The following EEF2K variants were observed in gnomAD, a reference collection of about 807,000 sequenced individuals.
EEF2K encodes the protein alternative protein EEF2K.
EEF2K carries 70 observed loss-of-function variants against 93.8 expected under a neutral mutation model. The ratio of observed to expected loss-of-function variants is 0.75; its 90% confidence interval spans 0.62 to 0.91. The LOEUF (loss-of-function observed/expected upper bound fraction) is 0.91. EEF2K is among the 40% of genes least tolerant of loss of function. EEF2K has a pLI of 0.00. For missense variants in EEF2K, 935 were observed against 972.9 expected (o/e 0.96, Z 0.52); for synonymous variants, 376 against 380.8 (o/e 0.99, Z 0.15).
At chr16:22,283,308 C>CAA (rs10540234) in intron 17 of EEF2K, among the ~76,000 whole-genome samples, 253 of 75,448 alleles carry the variant, frequency 3.4e-3, no homozygotes, top group East Asian at 6.4e-3. Flanking sequence ...GACTCCATCT[C>CAA]AAAAAAAAAA....
intron 16 of EEF2K, among the ~76,000 whole-genome samples, chr16:22,279,260 C>G (rs1184955781): frequency 7.6e-6 from 1 of 132,118 alleles, no homozygotes; most frequent in Non-Finnish European, 1.6e-5. Context: ...TTTTTTAACA[C>G]AGGGTTATAC....
intron 3 of EEF2K, among the ~76,000 whole-genome samples, chr16:22,248,306 G>A (rs780906344): frequency 3.3e-5 from 5 of 151,968 alleles, no homozygotes; most frequent in East Asian, 1.9e-4. Context: ...CTCATGATCC[G>A]CCTGCCCCAG....
At chr16:22,238,725 T>G (rs1435648815) in intron 2 of EEF2K, among the ~76,000 whole-genome samples, 1 of 146,548 alleles carries the variant, frequency 6.8e-6, no homozygotes, top group Non-Finnish European at 1.5e-5. Flanking sequence ...TGGACACACC[T>G]GGGTAGGTGA....
At chr16:22,246,288 G>A (rs1417818259) in intron 3 of EEF2K, among the ~76,000 whole-genome samples, 4 of 152,024 alleles carry the variant, frequency 2.6e-5, no homozygotes, top group Non-Finnish European at 4.4e-5. Context: ...TTGGGAGGCC[G>A]AGGTGAGTGG....
At chr16:22,269,022 A>G (rs778710758) in intron 15 of EEF2K, among the ~76,000 whole-genome samples, 1 of 152,114 alleles carries the variant, frequency 6.6e-6, no homozygotes, top group Admixed American at 6.6e-5. Context: ...CATTCTTTGA[A>G]TAATAGGTAG....
In EEF2K at chr16:22,273,622, A is replaced by G. The variant is rs1349836769; in HGVS notation, c.1765-4A>G. ...CTTTCTCCCTCTTTGGTTTGTATCA[A>G]CAGGAGACAGAAGAGAACAAAACCA... On this transcript the variant is annotated splice_region_variant and splice_polypyrimidine_tract_variant and intron_variant, in intron 15 of 17. Transcript: ENST00000263026. 1 of 1,614,026 alleles carries G rather than the reference A, an allele frequency of 6.2e-7. No homozygotes were observed. The highest frequency in any genetic ancestry group is 8.5e-7 in the Non-Finnish European group (1 of 1,179,940).
intron 3 of EEF2K, 140 bp from the exon 4 acceptor site, chr16:22,248,615 T>C (rs554605688): frequency 2.3e-6 from 2 of 884,956 alleles, no homozygotes; most frequent in African/African-American, 1.7e-5. Flanking sequence ...ACCCAGGAGG[T>C]TGGCTGGGCT....
intron 1 of EEF2K, among the ~76,000 whole-genome samples, chr16:22,206,995 C>G (rs557897257): frequency 3.3e-5 from 5 of 152,256 alleles, no homozygotes; most frequent in African/African-American, 1.2e-4. Flanking sequence ...CTCGGGGCCC[C>G]TAGAGTGTGG....
intron 16 of EEF2K, among the ~76,000 whole-genome samples, chr16:22,275,051 G>A (rs1279991720): frequency 6.6e-6 from 1 of 152,186 alleles, no homozygotes; most frequent in Non-Finnish European, 1.5e-5. Flanking sequence ...TGGCATGGAG[G>A]AGAGGTAAAC....
intron 2 of EEF2K, among the ~76,000 whole-genome samples, chr16:22,230,955 A>G (rs1416063230): frequency 6.6e-6 from 1 of 152,030 alleles, no homozygotes; most frequent in African/African-American, 2.4e-5. Context: ...AGTGCCTACT[A>G]TTACATATAG....
intron 2 of EEF2K, among the ~76,000 whole-genome samples, chr16:22,244,337 A>G (rs1035989049): frequency 4.0e-5 from 6 of 151,178 alleles, no homozygotes; most frequent in Admixed American, 2.0e-4. Context: ...ATATATAATG[A>G]AATGTTAGCC....
rs765053473 is a variant in EEF2K at position 22,263,215 on chromosome 16, G to A, written c.1377+28G>A. The stretch of plus-strand genomic sequence containing the variant: ...AAGGAACCCCCAGGAAATGAGACCG[G>A]TGTCACCTGTTGCCTTGTTTATCCT... On this transcript the variant is annotated intron_variant, in intron 12 of 17. Transcript: ENST00000263026. 17 of 1,595,154 alleles carry A rather than the reference G, an allele frequency of 1.1e-5. No homozygotes were observed. In the East Asian group the frequency reaches 1.8e-4, roughly 17 times the overall value.
intron 1 of EEF2K, among the ~76,000 whole-genome samples, chr16:22,211,000 A>T (rs931195353): frequency 2.6e-5 from 4 of 152,182 alleles, no homozygotes; most frequent in African/African-American, 9.7e-5. Context: ...CAGAAATGGT[A>T]CAAGTTATTT....
chr16:22,265,430 T>G lies in EEF2K; in HGVS notation c.1440+550T>G, dbSNP rs114160526. Among the ~76,000 whole-genome samples, 827 of 152,264 alleles carry G rather than the reference T, an allele frequency of 5.4e-3. 9 individuals carry two copies. The highest frequency in any genetic ancestry group is 0.019 in the African/African-American group (795 of 41,562). On this transcript the variant is annotated intron_variant, in intron 13 of 17. Coordinates refer to ENST00000263026, the MANE Select transcript of EEF2K (RefSeq NM_013302.5). Reference sequence around the variant, plus strand: ...AGTCTCTTTCCTACCTGCAAAGTCCTTTCTCTCCCTCTGTCATCTCTCTTC... The same window carrying G: ...AGTCTCTTTCCTACCTGCAAAGTCCGTTCTCTCCCTCTGTCATCTCTCTTC...
At chr16:22,280,061 C>T (rs1293477525) in intron 16 of EEF2K, 137 bp from the exon 17 acceptor site, 7 of 746,234 alleles carry the variant, frequency 9.4e-6, no homozygotes, top group African/African-American at 1.8e-5. Flanking sequence ...ATGTATTGGC[C>T]TTGGACAAGA....
At chr16:22,215,963 C>T (rs2046954179) in intron 1 of EEF2K, among the ~76,000 whole-genome samples, 1 of 152,082 alleles carries the variant, frequency 6.6e-6, no homozygotes, top group Non-Finnish European at 1.5e-5. Flanking sequence ...TATTTGAGTT[C>T]ATGTTGAGCA....
intron 2 of EEF2K, among the ~76,000 whole-genome samples, chr16:22,229,132 C>T (rs2047091908): frequency 6.6e-6 from 1 of 151,890 alleles, no homozygotes; most frequent in Non-Finnish European, 1.5e-5. Context: ...GAGGAGACTC[C>T]ATCTCAAAAA....
intron 2 of EEF2K, among the ~76,000 whole-genome samples, chr16:22,226,677 G>C (rs975767101): frequency 6.6e-6 from 1 of 151,506 alleles, no homozygotes. Context: ...CACTATACCC[G>C]GCTCATTAAA....
At chr16:22,267,025 G>A (rs1220202422) in intron 15 of EEF2K, 149 bp downstream of exon 15, 1 of 994,362 alleles carries the variant, frequency 1.0e-6, no homozygotes, top group Non-Finnish European at 1.4e-6. Flanking sequence ...GCACTGGTTT[G>A]GGGGCAGGCC....
Sources: gnomAD v4.1 joint callset for allele counts (sites outside exome capture counted in the v4.1 genomes callset) on GRCh38, gnomAD v4.1.1 for gene constraint, MANE v1.5 for transcripts, NCBI Gene and HGNC (gene_info 2026-07-23, HGNC 2026-07-21) for gene names.